Variants in PCDHGB7 observed in about 807,000 individuals in gnomAD.
The protein encoded by PCDHGB7 is protocadherin gamma subfamily B, 7.
Under a neutral mutation model 61.4 loss-of-function variants are expected in PCDHGB7, and 37 were observed. The observed-to-expected ratio is 0.60, with a 90% CI of 0.46 to 0.79. The LOEUF (loss-of-function observed/expected upper bound fraction) is 0.79, where lower values mean the gene tolerates loss of function less well. Among genes scored for constraint, PCDHGB7 ranks in the 30% least tolerant of loss-of-function variants. PCDHGB7 has a pLI of 0.00. For missense variants in PCDHGB7, 1,166 were observed against 1,202.5 expected (o/e 0.97, Z 0.45); for synonymous variants, 464 against 503.5 (o/e 0.92, Z 1.05).
intron 1 of PCDHGB7, chr5:141,427,415 T>G: frequency 2.1e-6 from 1 of 465,414 alleles, no homozygotes; most frequent in Non-Finnish European, 4.3e-6. Context: ...CGAGAGAAAA[T>G]GGGGAGGTTA....
rs573785314 is a variant in PCDHGB7 at position 141,435,382 on chromosome 5, C to T, written c.2415+15108C>T. 2.0e-5 allele frequency among the ~76,000 whole-genome samples: 3 copies of T among 152,034 alleles called. No homozygotes were observed. In the East Asian group the frequency reaches 5.8e-4, roughly 29 times the overall value. ...TTTATCACTTAAATATACAATATAC[C>T]GTATTGCCATGACGAAAAATGGTAA... On this transcript the variant is annotated intron_variant, in intron 1 of 3. Transcript: ENST00000398594.
chr5:141,418,819 A>T lies in PCDHGB7; in HGVS notation c.960A>T (p.Glu320Asp), dbSNP rs1285247926. Residue 320 changes from glutamate to aspartate, a missense_variant, in exon 1 of 4, where the codon GAA becomes GAT. Transcript: ENST00000398594. ...TAGAAAGATATACGATAAACATAGA[A>T]GCAAAAGACCGAGGATCTCTCTCAA... The part of the protein sequence containing the change: ...EEVERYTINI[E>D]AKDRGSLSTR... 6.2e-7 allele frequency: 1 copy of T among 1,613,868 alleles called. No homozygotes were observed. Among genetic ancestry groups the T allele is most frequent in the African/African-American group, 1.3e-5 (1 of 74,954 alleles).
chr5:141,498,684 C>T (rs1255085852), intron 2 of PCDHGB7, among the ~76,000 whole-genome samples: 1 of 152,192 alleles, frequency 6.6e-6, no homozygotes, highest in South Asian at 2.1e-4. Flanking sequence ...GTAATCCCAG[C>T]ACTTTGGGAG....
At position 141,486,609 on chromosome 5, in the gene PCDHGB7, C is replaced by T; in HGVS notation, c.2416-8198C>T. The T allele has an allele frequency of 6.2e-7, 1 of 1,613,568 alleles. No homozygotes were observed. ...GGGGACCTGCTTTGCTCCCTTGCAG[C>T]CTCTGACCCAGACTCTGGCTTGAAT... On this transcript the variant is annotated intron_variant, in intron 1 of 3. Transcript: ENST00000398594. The surrounding 1 kb of genome is among the most constrained non-coding windows in gnomAD (Gnocchi z 5.0).
At chr5:141,478,526 G>A (rs1402123535) in intron 1 of PCDHGB7, 1 of 1,609,906 alleles carries the variant, frequency 6.2e-7, no homozygotes, top group Admixed American at 1.7e-5. Context: ...GTTGGGTGCA[G>A]AGAGCGCCCC....
At chr5:141,464,682 T>C (rs1442997972) in intron 1 of PCDHGB7, among the ~76,000 whole-genome samples, 1 of 152,132 alleles carries the variant, frequency 6.6e-6, no homozygotes, top group Non-Finnish European at 1.5e-5. Flanking sequence ...TTAATTAAAA[T>C]TTCTCTTATT....
chr5:141,420,494 C>A (rs978136090), intron 1 of PCDHGB7: 1 of 499,510 alleles, frequency 2.0e-6, no homozygotes, highest in Non-Finnish European at 3.1e-6. Context: ...GGGTAATCTC[C>A]GGTGACATTT....
chr5:141,437,307 G>A (rs1172152732), intron 1 of PCDHGB7, among the ~76,000 whole-genome samples: 7 of 152,120 alleles, frequency 4.6e-5, no homozygotes, highest in South Asian at 2.1e-4. Context: ...AAGTTAAAGC[G>A]TTCAGCTATA....
In PCDHGB7 at chr5:141,485,354, G is replaced by C; in HGVS notation, c.2416-9453G>C. 7 of 1,614,176 alleles carry C rather than the reference G, an allele frequency of 4.3e-6. No homozygotes were observed. Among genetic ancestry groups the C allele is most frequent in the Non-Finnish European group, 5.1e-6 (6 of 1,180,024 alleles). Reference sequence around the variant, plus strand: ...CCTGCTGGATACGGACAGTCTGTCAGCTCGCAGGCTGCAGGTCGCTGGAGA... The same window carrying C: ...CCTGCTGGATACGGACAGTCTGTCACCTCGCAGGCTGCAGGTCGCTGGAGA... On this transcript the variant is annotated intron_variant, in intron 1 of 3. Transcript: ENST00000398594. This position sits in a 1 kb window ranked among gnomAD's most constrained non-coding sequence, Gnocchi z 5.7.
chr5:141,425,528 C>CA (rs890632943), intron 1 of PCDHGB7, among the ~76,000 whole-genome samples: 1 of 152,200 alleles, frequency 6.6e-6, no homozygotes, highest in African/African-American at 2.4e-5. Context: ...AAACATGAAA[C>CA]AATAATCCTT....
chr5:141,478,199 C>G, intron 1 of PCDHGB7: 1 of 1,614,056 alleles, frequency 6.2e-7, no homozygotes, highest in Non-Finnish European at 8.5e-7. Flanking sequence ...CTTTTATCTA[C>G]TTCTTTCTCT....
At chr5:141,453,909 T>C (rs1484310834) in intron 1 of PCDHGB7, among the ~76,000 whole-genome samples, 1 of 152,236 alleles carries the variant, frequency 6.6e-6, no homozygotes, top group Non-Finnish European at 1.5e-5. Flanking sequence ...TTTCAAAGTA[T>C]GTCAGTGATC....
At position 141,432,807 on chromosome 5, in the gene PCDHGB7, ACT is replaced by A. The variant is rs542925824; in HGVS notation, c.2415+12536_2415+12537del. On this transcript the variant is annotated intron_variant, in intron 1 of 3. Coordinates refer to ENST00000398594, the MANE Select transcript of PCDHGB7 (RefSeq NM_018927.4). This position sits in a 1 kb window ranked among gnomAD's most constrained non-coding sequence, Gnocchi z 6.0. ...CTCGGCAGCCTCGAGTCTCCAGCTA[ACT>A]CTGAAACCTCAGACCTCACTCTGTA... 352 of 1,613,946 alleles carry A rather than the reference ACT, an allele frequency of 2.2e-4. 2 individuals carry two copies. The African/African-American group carries it at 4.2e-3, about 19-fold the overall frequency.
intron 3 of PCDHGB7, among the ~76,000 whole-genome samples, chr5:141,510,194 G>T (rs920127442): frequency 6.6e-6 from 1 of 151,462 alleles, no homozygotes. Context: ...AATCACTTGA[G>T]CCCAGGAGGC....
rs1196201183 is a variant in PCDHGB7, at chr5:141,490,944, G to A, written c.2416-3863G>A. ...ATGCCCCAGCTGTGCTGCACCCACG[G>A]CCAGACTGGGAACACTCAGCCCCCC... On this transcript the variant is annotated intron_variant, in intron 1 of 3. Transcript: ENST00000398594. This position sits in a 1 kb window ranked among gnomAD's most constrained non-coding sequence, Gnocchi z 5.4. 6.2e-7 allele frequency: 1 copy of A among 1,613,488 alleles called. No individual in the cohort carries two copies. The highest frequency in any genetic ancestry group is 1.3e-5 in the African/African-American group (1 of 74,906).
chr5:141,492,740 C>T (rs1364102818), intron 1 of PCDHGB7, among the ~76,000 whole-genome samples: 1 of 152,238 alleles, frequency 6.6e-6, no homozygotes, highest in African/African-American at 2.4e-5. Context: ...GCCCAGTGGC[C>T]GAGGCGCGGC....
At chr5:141,423,920 G>A (rs2096790804) in intron 1 of PCDHGB7, 2 of 1,258,728 alleles carry the variant, frequency 1.6e-6, no homozygotes, top group African/African-American at 1.6e-5. Flanking sequence ...ATTCAACTAT[G>A]CTGGTTTGGT....
chr5:141,439,487 G>A lies in PCDHGB7; in HGVS notation c.2415+19213G>A, dbSNP rs11952418. 8.3e-3 allele frequency among the ~76,000 whole-genome samples: 1,269 copies of A among 152,266 alleles called. 16 individuals are homozygous for A. Among genetic ancestry groups the A allele is most frequent in the African/African-American group, 0.029 (1,205 of 41,540 alleles). Reference sequence around the variant, plus strand: ...GCTGCCTTTCAGCTTGCAAATTCCAGTGAGAAACGTCTTTCTCTCTGCTCT... The same window carrying A: ...GCTGCCTTTCAGCTTGCAAATTCCAATGAGAAACGTCTTTCTCTCTGCTCT... On this transcript the variant is annotated intron_variant, in intron 1 of 3. Coordinates refer to ENST00000398594, the MANE Select transcript of PCDHGB7 (RefSeq NM_018927.4).
Position 141,490,799 on chromosome 5 carries a change from G to A in PCDHGB7, c.2416-4008G>A, listed in dbSNP as rs757092044. On this transcript the variant is annotated intron_variant, in intron 1 of 3. Coordinates refer to ENST00000398594, the MANE Select transcript of PCDHGB7 (RefSeq NM_018927.4). The surrounding 1 kb of genome is among the most constrained non-coding windows in gnomAD (Gnocchi z 5.4). ...GAGGATGGACGGATCTTTGCCCAGC[G>A]TACCTTTGACTATGAATTGCTGCAG... is the stretch of plus-strand genomic sequence containing the variant. 2.7e-5 allele frequency: 43 copies of A among 1,613,888 alleles called. No individual in the cohort carries two copies. Among genetic ancestry groups the A allele is most frequent in the Middle Eastern group, 3.3e-4 (2 of 6,062 alleles).
Sources: gnomAD v4.1 joint callset for allele counts (sites outside exome capture counted in the v4.1 genomes callset) on GRCh38, gnomAD v4.1.1 for gene constraint, Gnocchi (gnomAD v3.1) non-coding constraint, MANE v1.5 for transcripts, NCBI Gene and HGNC (gene_info 2026-07-23, HGNC 2026-07-21) for gene names.